Variants in ADAMTS2 observed in about 807,000 individuals in gnomAD.
The protein encoded by ADAMTS2 is A disintegrin and metalloproteinase with thrombospondin motifs 2.
ADAMTS2 carries 50 observed loss-of-function variants against 123.0 expected under a neutral mutation model. The observed-to-expected ratio is 0.41, with a 90% confidence interval of 0.32 to 0.51. The LOEUF (loss-of-function observed/expected upper bound fraction) is 0.51. Among genes scored for constraint, ADAMTS2 ranks in the 20% least tolerant of loss-of-function variants. ADAMTS2 has a pLI of 0.35. For synonymous variants in ADAMTS2, 678 were observed against 695.4 expected (o/e 0.98, Z 0.39); for missense variants, 1,494 against 1,705.2 (o/e 0.88, Z 2.18).
intron 21 of ADAMTS2, 95 bp from the exon 22 acceptor site, chr5:179,114,419 G>A (rs1209279998): frequency 7.8e-7 from 1 of 1,280,884 alleles, no homozygotes; most frequent in Non-Finnish European, 1.1e-6. Context: ...GCATATGGAA[G>A]AGCCCAGAGA....
chr5:179,282,600 G>A (rs1416306027), intron 2 of ADAMTS2, among the ~76,000 whole-genome samples: 1 of 152,138 alleles, frequency 6.6e-6, no homozygotes, highest in African/African-American at 2.4e-5. Context: ...TAGCATTTTG[G>A]TTAGTCTGGA....
At position 179,256,570 on chromosome 5, in the gene ADAMTS2, C is replaced by T. The variant is rs1464130641; in HGVS notation, c.688+16341G>A. Among the ~76,000 whole-genome samples the T allele has an allele frequency of 1.3e-5, 2 of 152,084 alleles. No homozygotes were observed. Among genetic ancestry groups the T allele is most frequent in the Admixed American group, 6.5e-5 (1 of 15,288 alleles). On this transcript the variant is annotated intron_variant, in intron 3 of 21. Transcript: ENST00000251582. The surrounding 1 kb of genome is among the most constrained non-coding windows in gnomAD (Gnocchi z 4.1). The stretch of plus-strand genomic sequence containing the variant: ...GAGAGAGACGGAGAGAGTTTATGTA[C>T]GTGTAACTACCAACCAGAGTCCAGG...
rs780493846 is a variant in ADAMTS2, at chr5:179,111,172, G to A, written c.*2695C>T. ...CAAAAGGAGTAAATCAGAGAGCTGG[G>A]TTCCACAAATCTAACACGAGTCTGC... On this transcript the variant is annotated 3_prime_UTR_variant, in exon 22 of 22. Transcript: ENST00000251582. 6 of 152,202 alleles carry A rather than the reference G, an allele frequency of 3.9e-5. No homozygotes were observed. Among genetic ancestry groups the A allele is most frequent in the Admixed American group, 2.0e-4 (3 of 15,278 alleles). The allele number at this position is 152,202 out of a possible 1,614,324, so 9.4% of individuals were successfully genotyped here.
intron 3 of ADAMTS2, among the ~76,000 whole-genome samples, chr5:179,264,930 GA>G (rs1766324058): frequency 9.0e-6 from 1 of 111,320 alleles, no homozygotes; most frequent in Admixed American, 9.4e-5. Flanking sequence ...GGGCGGAGCT[GA>G]GCGCGCTGAC....
At chr5:179,264,416 T>C (rs1766308025) in intron 3 of ADAMTS2, among the ~76,000 whole-genome samples, 1 of 152,188 alleles carries the variant, frequency 6.6e-6, no homozygotes, top group South Asian at 2.1e-4. Context: ...AAAGATGCCC[T>C]GGACACATGC....
At chr5:179,235,597 C>T (rs990459064) in intron 3 of ADAMTS2, among the ~76,000 whole-genome samples, 7 of 152,210 alleles carry the variant, frequency 4.6e-5, no homozygotes, top group South Asian at 2.1e-4. Flanking sequence ...CTTGTTCCCA[C>T]CTAGTCCCAA....
chr5:179,245,054 T>C (rs760190436), intron 3 of ADAMTS2, among the ~76,000 whole-genome samples: 13 of 152,132 alleles, frequency 8.5e-5, no homozygotes, highest in Non-Finnish European at 1.0e-4. Context: ...ACATTGTAAA[T>C]CAGATGACTT....
At chr5:179,316,176 G>A (rs77255290) in intron 2 of ADAMTS2, among the ~76,000 whole-genome samples, 2,196 of 152,272 alleles carry the variant, frequency 0.014, 26 homozygotes, top group South Asian at 0.027. Flanking sequence ...CGTGGGCACC[G>A]GGCAGCAGAC....
At position 179,158,089 on chromosome 5, in the gene ADAMTS2, C is replaced by T. The variant is rs902558996; in HGVS notation, c.1132+634G>A. Among the ~76,000 whole-genome samples, 3 of 151,950 alleles carry T rather than the reference C, an allele frequency of 2.0e-5. No individual in the cohort carries two copies. The highest frequency in any genetic ancestry group is 4.4e-5 in the Non-Finnish European group (3 of 67,994). On this transcript the variant is annotated intron_variant, in intron 6 of 21. Coordinates refer to ENST00000251582, the MANE Select transcript of ADAMTS2 (RefSeq NM_014244.5). The surrounding 1 kb of genome is among the most constrained non-coding windows in gnomAD (Gnocchi z 5.0). ...ACACCATTCTCCTGCCTCAGCCTCC[C>T]GGGTAGCTGGGACTACAGGCGCCCG...
At chr5:179,215,645 A>G (rs1764965110) in intron 3 of ADAMTS2, among the ~76,000 whole-genome samples, 1 of 152,214 alleles carries the variant, frequency 6.6e-6, no homozygotes, top group African/African-American at 2.4e-5. Flanking sequence ...AGGGGAAGAA[A>G]CAACAAGGGA....
chr5:179,236,823 A>G (rs940303468), intron 3 of ADAMTS2, among the ~76,000 whole-genome samples: 1 of 152,134 alleles, frequency 6.6e-6, no homozygotes, highest in Non-Finnish European at 1.5e-5. Flanking sequence ...GATGTATGCT[A>G]TGGACTGAAT....
intron 3 of ADAMTS2, 132 bp from the exon 4 acceptor site, chr5:179,207,847 A>C: frequency 2.4e-6 from 2 of 831,974 alleles, no homozygotes; most frequent in Admixed American, 4.0e-5. Context: ...TCCATTTTAC[A>C]GAGGAAAGCG....
chr5:179,329,132 C>T (rs1347650687), intron 2 of ADAMTS2, among the ~76,000 whole-genome samples: 1 of 152,008 alleles, frequency 6.6e-6, no homozygotes, highest in African/African-American at 2.4e-5. Context: ...TGGAGACCAT[C>T]CTGGCTAACA....
chr5:179,219,464 T>C (rs553431779), intron 3 of ADAMTS2, among the ~76,000 whole-genome samples: 1 of 152,222 alleles, frequency 6.6e-6, no homozygotes, highest in Admixed American at 6.5e-5. Flanking sequence ...CTTGAACGAT[T>C]GAGGCATCAG....
At chr5:179,135,805 C>G in intron 13 of ADAMTS2, 104 bp downstream of exon 13, 5 of 1,523,010 alleles carry the variant, frequency 3.3e-6, no homozygotes, top group Non-Finnish European at 4.5e-6. Flanking sequence ...ACTTCGTATG[C>G]TTCACCTCAT....
rs766752541 is a variant in ADAMTS2 at position 179,344,044 on chromosome 5, G to T, written c.257C>A (p.Ala86Asp). ...SAATSRAGVR[A>D]RRAAPVRTPS... ...GGTCCGGACCGGGGCGGCCCTGCGG[G>T]CTCGTACCCCTGCTCTGGACGTAGC... The change falls in exon 2 of 22, where the codon GCC becomes GAC. Residue 86 changes from alanine to aspartate, a missense_variant. By Grantham distance (126) the Ala-to-Asp change is moderately radical. Transcript: ENST00000251582. 1 of 1,612,448 alleles carries T rather than the reference G, an allele frequency of 6.2e-7. No individual in the cohort carries two copies. Among genetic ancestry groups the T allele is most frequent in the Non-Finnish European group, 8.5e-7 (1 of 1,179,818 alleles).
At chr5:179,156,620 A>G (rs982762178) in intron 6 of ADAMTS2, among the ~76,000 whole-genome samples, 6 of 152,098 alleles carry the variant, frequency 3.9e-5, no homozygotes, top group Non-Finnish European at 7.4e-5. Context: ...GGCCTCCCAC[A>G]GTGCTGGGAT....
chr5:179,119,460 G>T (rs1236539742), intron 21 of ADAMTS2, among the ~76,000 whole-genome samples: 1 of 152,210 alleles, frequency 6.6e-6, no homozygotes, highest in Non-Finnish European at 1.5e-5. Context: ...ACTTCCATGG[G>T]CAGGACACAG....
chr5:179,243,709 T>C (rs939737748), intron 3 of ADAMTS2, among the ~76,000 whole-genome samples: 5 of 152,136 alleles, frequency 3.3e-5, no homozygotes, highest in African/African-American at 1.2e-4. Flanking sequence ...AGATGTCAGA[T>C]GTAACAGCTG....
Sources: gnomAD v4.1 joint callset for allele counts (sites outside exome capture counted in the v4.1 genomes callset) on GRCh38, gnomAD v4.1.1 for gene constraint, Gnocchi (gnomAD v3.1) non-coding constraint, MANE v1.5 for transcripts, NCBI Gene and HGNC (gene_info 2026-07-23, HGNC 2026-07-21) for gene names.